CPT1A: variants seen among roughly 807,000 people sequenced by gnomAD.
CPT1A encodes carnitine palmitoyltransferase 1A, also known as carnitine O-palmitoyltransferase 1, liver isoform.
In CPT1A, 64 loss-of-function variants were observed where a neutral mutation model predicts 100.8. The observed-to-expected ratio is 0.63, with a 90% CI of 0.52 to 0.78. The LOEUF is 0.78. CPT1A is among the 30% of genes least tolerant of loss of function. The pLI, the probability that CPT1A is intolerant of heterozygous loss-of-function variation, is 0.00. For missense variants in CPT1A, 802 were observed against 1,034.1 expected (o/e 0.78, Z 3.08); for synonymous variants, 363 against 396.0 (o/e 0.92, Z 0.99).
At chr11:68,781,740 A>G in intron 11 of CPT1A, 31 bp downstream of exon 11, 1 of 1,608,306 alleles carries the variant, frequency 6.2e-7, no homozygotes, top group Non-Finnish European at 8.5e-7. Flanking sequence ...TCATGGGCAA[A>G]CTCCTGTCTC....
chr11:68,838,579 A>AAAAAAAAAAAAAAC (rs1555235324), intron 1 of CPT1A, among the ~76,000 whole-genome samples: 1 of 144,450 alleles, frequency 6.9e-6, no homozygotes, highest in African/African-American at 2.5e-5. Flanking sequence ...TTTTAAAAAA[A>AAAAAAAAAAAAAAC]AAAAAAAAAA....
intron 3 of CPT1A, among the ~76,000 whole-genome samples, chr11:68,809,948 C>T (rs112300734): frequency 0.05 from 7,636 of 152,160 alleles, 630 homozygotes; most frequent in African/African-American, 0.17. Flanking sequence ...GAGGACAAGG[C>T]GGGTGGATCA....
intron 5 of CPT1A, among the ~76,000 whole-genome samples, chr11:68,802,820 C>G (rs1269110634): frequency 6.7e-6 from 1 of 150,078 alleles, no homozygotes; most frequent in Non-Finnish European, 1.5e-5. Flanking sequence ...TCATTTGAGC[C>G]CAGGAAGTTG....
chr11:68,776,556 G>A (rs972292090), intron 12 of CPT1A, among the ~76,000 whole-genome samples: 2 of 152,160 alleles, frequency 1.3e-5, no homozygotes, highest in Non-Finnish European at 2.9e-5. Flanking sequence ...AGAAAGGAAT[G>A]AGGGATTTCT....
intron 1 of CPT1A, among the ~76,000 whole-genome samples, chr11:68,816,455 C>T (rs940920173): frequency 1.3e-5 from 2 of 152,184 alleles, no homozygotes; most frequent in African/African-American, 4.8e-5. Context: ...CAGACCCAAG[C>T]ACAGCCCCTG....
In CPT1A at chr11:68,784,966, G is replaced by A. The variant is rs973525731; in HGVS notation, c.1012C>T (p.His338Tyr). 1.2e-6 allele frequency: 2 copies of A among 1,613,978 alleles called. No homozygotes were observed. The highest frequency in any genetic ancestry group is 4.5e-5 in the East Asian group (2 of 44,872). ...MRDSKHIVVY[H>Y]RGRYFKVWLY... is the part of the protein sequence containing the mutation. ...CAGACCTTGAAGTAGCGTCCTCGAT[G>A]GTACACGACGATGTGCTTGCTGTCT... The change falls in exon 10 of 19, where the codon CAT (histidine) becomes TAT (tyrosine). Residue 338 changes from histidine (H) to tyrosine (Y), a missense_variant. Coordinates refer to ENST00000265641, the MANE Select transcript of CPT1A (RefSeq NM_001876.4).
intron 14 of CPT1A, 116 bp from the exon 15 acceptor site, chr11:68,762,877 G>T: frequency 7.4e-7 from 1 of 1,354,742 alleles, no homozygotes; most frequent in African/African-American, 1.4e-5. Flanking sequence ...ACATTTTTTT[G>T]AGACGGGGTC....
chr11:68,826,770 T>A (rs1317331257), intron 1 of CPT1A, among the ~76,000 whole-genome samples: 1 of 150,608 alleles, frequency 6.6e-6, no homozygotes, highest in Non-Finnish European at 1.5e-5. Flanking sequence ...GCCCTCAGCG[T>A]GACTTTCTGT....
chr11:68,794,866 C>T lies in CPT1A; in HGVS notation c.817G>A (p.Gly273Ser), dbSNP rs144347513. Residue 273 changes from glycine (G) to serine (S), a missense_variant, in exon 8 of 19, where the codon GGC becomes AGC. Coordinates refer to ENST00000265641, the MANE Select transcript of CPT1A (RefSeq NM_001876.4). ...AGCAGGATGGCATGGATGGCGTTGC[C>T]GGCTCTTGCTGCCTGAATGTGAGTT... is the stretch of plus-strand genomic sequence containing the variant. ...LPTHIQAARA[G>S]NAIHAILLYR... 25 of 1,614,156 alleles carry T rather than the reference C, an allele frequency of 1.5e-5. No individual in the cohort carries two copies. The highest frequency in any genetic ancestry group is 2.0e-5 in the Non-Finnish European group (24 of 1,180,034).
At chr11:68,813,027 G>A (rs1269684444) in intron 2 of CPT1A, among the ~76,000 whole-genome samples, 1 of 150,524 alleles carries the variant, frequency 6.6e-6, no homozygotes, top group Non-Finnish European at 1.5e-5. Context: ...CTCACCCCAT[G>A]TCGAGAATTT....
chr11:68,774,069 C>T (rs1292566043), intron 13 of CPT1A, among the ~76,000 whole-genome samples: 1 of 152,202 alleles, frequency 6.6e-6, no homozygotes, highest in East Asian at 1.9e-4. Flanking sequence ...AGACCCTGGA[C>T]GCATGCCAAT....
chr11:68,833,862 TA>T (rs969416996), intron 1 of CPT1A, among the ~76,000 whole-genome samples: 9 of 152,218 alleles, frequency 5.9e-5, no homozygotes, highest in Non-Finnish European at 1.2e-4. Flanking sequence ...TTTTCATTAT[TA>T]TTTTTTTTTT....
At chr11:68,800,360 G>T (rs1855871164) in intron 5 of CPT1A, among the ~76,000 whole-genome samples, 1 of 152,136 alleles carries the variant, frequency 6.6e-6, no homozygotes. Flanking sequence ...AGTAACAGTG[G>T]TCAGGTGTGG....
At chr11:68,773,150 T>C in intron 14 of CPT1A, 115 bp downstream of exon 14, 3 of 1,546,550 alleles carry the variant, frequency 1.9e-6, no homozygotes, top group Non-Finnish European at 2.6e-6. Flanking sequence ...CGGGGGGAGC[T>C]GTGCTTCTCC....
At chr11:68,759,370 G>A (rs1001765836) in intron 18 of CPT1A, among the ~76,000 whole-genome samples, 199 bp downstream of exon 18, 3 of 151,708 alleles carry the variant, frequency 2.0e-5, no homozygotes, top group Non-Finnish European at 4.4e-5. Flanking sequence ...ACTCCAGCCT[G>A]GGCGACAGAG....
At chr11:68,815,547 C>T (rs1856362373) in intron 1 of CPT1A, 60 bp from the exon 2 acceptor site, 1 of 1,544,056 alleles carries the variant, frequency 6.5e-7, no homozygotes, top group Non-Finnish European at 8.9e-7. Context: ...CTAAAAAACC[C>T]TCATACAGAA....
At chr11:68,758,293 AAG>A (rs1946732548) in intron 18 of CPT1A, among the ~76,000 whole-genome samples, 2 of 152,112 alleles carry the variant, frequency 1.3e-5, no homozygotes, top group African/African-American at 4.8e-5. Context: ...CAAACAACAA[AAG>A]AAAACCGCAG....
intron 1 of CPT1A, among the ~76,000 whole-genome samples, chr11:68,838,572 T>C (rs7482525): frequency 5.2e-5 from 5 of 95,514 alleles, no homozygotes; most frequent in African/African-American, 1.5e-4. Flanking sequence ...TGCACCTTTT[T>C]AAAAAAAAAA....
intron 12 of CPT1A, among the ~76,000 whole-genome samples, chr11:68,776,433 A>G (rs1407109261): frequency 6.6e-6 from 1 of 152,212 alleles, no homozygotes; most frequent in Non-Finnish European, 1.5e-5. Context: ...AAGAAAAGAA[A>G]AAAGAAGCCA....
Sources: gnomAD v4.1 joint callset for allele counts (sites outside exome capture counted in the v4.1 genomes callset) on GRCh38, gnomAD v4.1.1 for gene constraint, MANE v1.5 for transcripts, NCBI Gene and HGNC (gene_info 2026-07-23, HGNC 2026-07-21) for gene names.